The following PCDHA6 variants were observed in gnomAD, a reference collection of about 807,000 sequenced individuals.
PCDHA6 encodes protocadherin alpha 6.
In PCDHA6, 55 loss-of-function variants were observed where a neutral mutation model predicts 60.3. The ratio of observed to expected loss-of-function variants is 0.91; its 90% CI spans 0.73 to 1.14. The LOEUF (loss-of-function observed/expected upper bound fraction) is 1.14, where lower values mean the gene tolerates loss of function less well. PCDHA6 is among the 50% of genes most tolerant of loss of function. The pLI, the probability that PCDHA6 is intolerant of heterozygous loss-of-function variation, is 0.00. For missense variants in PCDHA6, 1,327 were observed against 1,256.5 expected, an observed-to-expected ratio of 1.06 and a Z score of -0.85; for synonymous variants, 652 against 557.9, an observed-to-expected ratio of 1.17 and a Z score of -2.38.
intron 1 of PCDHA6, among the ~76,000 whole-genome samples, chr5:140,946,403 CATAGAA>C (rs1425933072): frequency 1.3e-5 from 2 of 151,512 alleles, no homozygotes; most frequent in African/African-American, 2.4e-5. Flanking sequence ...TTAGTACAAT[CATAGAA>C]AACAATATGG....
At chr5:140,951,170 A>G (rs62384503) in intron 1 of PCDHA6, among the ~76,000 whole-genome samples, 5,911 of 151,952 alleles carry the variant, frequency 0.039, 176 homozygotes, top group Non-Finnish European at 0.057. Flanking sequence ...TAGCTACTTT[A>G]AAGTCATTGT....
In PCDHA6 at chr5:140,870,852, G is replaced by T. The variant is rs782301779; in HGVS notation, c.2394+40367G>T. 6 of 1,613,862 alleles carry T rather than the reference G, an allele frequency of 3.7e-6. 1 individual carries two copies. The South Asian group carries it at 6.6e-5, about 18-fold the overall frequency. On this transcript the variant is annotated intron_variant, in intron 1 of 3. Coordinates refer to ENST00000529310, the MANE Select transcript of PCDHA6 (RefSeq NM_018909.4). ...CAGTTAACAAGCTAGTACCGCGGTC[G>T]GTGGGTGCGGGCCACGTGGTGGCGA...
intron 1 of PCDHA6, chr5:140,836,148 C>A: frequency 6.2e-7 from 1 of 1,613,764 alleles, no homozygotes; most frequent in Non-Finnish European, 8.5e-7. Flanking sequence ...GGGCGCGGGC[C>A]ATGTGGTGGC....
intron 3 of PCDHA6, among the ~76,000 whole-genome samples, chr5:140,995,684 A>T (rs2097694657): frequency 6.6e-6 from 1 of 152,144 alleles, no homozygotes; most frequent in Non-Finnish European, 1.5e-5. Flanking sequence ...ATTTTTTTTA[A>T]TTGTTAAATA....
At chr5:140,960,764 A>C (rs1383623742) in intron 1 of PCDHA6, among the ~76,000 whole-genome samples, 7 of 152,164 alleles carry the variant, frequency 4.6e-5, no homozygotes, top group African/African-American at 1.7e-4. Flanking sequence ...CAAGAGTTAC[A>C]GAGGAGAAAT....
rs1554231011 is a variant in PCDHA6 at position 140,968,738 on chromosome 5, C to G, written c.2395-10211C>G. 10 of 1,614,040 alleles carry G rather than the reference C, an allele frequency of 6.2e-6. No individual in the cohort carries two copies. The Admixed American group carries it at 6.7e-5, about 11-fold the overall frequency. On this transcript the variant is annotated intron_variant, in intron 1 of 3. Transcript: ENST00000529310. ...AGATGAGAGTGGTAGCACTTTCAAC[C>G]TGACCGTGGTGGTCCGAGATAATGG...
intron 1 of PCDHA6, among the ~76,000 whole-genome samples, chr5:140,844,353 G>A (rs1249392344): frequency 6.7e-6 from 1 of 148,820 alleles, no homozygotes; most frequent in Admixed American, 6.7e-5. Context: ...AAATCAAGAG[G>A]GAAGAGATTT....
At chr5:140,975,283 A>G (rs1554236730) in intron 1 of PCDHA6, among the ~76,000 whole-genome samples, 1 of 152,122 alleles carries the variant, frequency 6.6e-6, no homozygotes, top group Non-Finnish European at 1.5e-5. Context: ...TGACCTCTAG[A>G]CCCAGATTTA....
chr5:140,928,570 C>G, intron 1 of PCDHA6: 1 of 1,614,196 alleles, frequency 6.2e-7, no homozygotes, highest in Non-Finnish European at 8.5e-7. Flanking sequence ...GTTTCCCTTG[C>G]CCAGAAATGG....
chr5:140,879,948 C>T (rs1025902128), intron 1 of PCDHA6, among the ~76,000 whole-genome samples: 1 of 152,168 alleles, frequency 6.6e-6, no homozygotes, highest in Non-Finnish European at 1.5e-5. Context: ...ATTTAGGGCC[C>T]ATCTGGATAA....
In PCDHA6 at chr5:140,828,069, AAAT is replaced by A. The variant is rs2150150559; in HGVS notation, c.-20_-18del. 3 of 1,564,606 alleles carry A rather than the reference AAAT, an allele frequency of 1.9e-6. No homozygotes were observed. The highest frequency in any genetic ancestry group is 2.6e-6 in the Non-Finnish European group (3 of 1,157,558). On this transcript the variant is annotated 5_prime_UTR_variant, in exon 1 of 4. Coordinates refer to ENST00000529310, the MANE Select transcript of PCDHA6 (RefSeq NM_018909.4). ...CTTTATGCGGAAGATCTTCTAATGG[AAAT>A]AAAACCAGAGGTATTTGACATGGTG...
intron 3 of PCDHA6, among the ~76,000 whole-genome samples, chr5:140,986,569 T>C (rs1006962446): frequency 7.2e-5 from 11 of 152,296 alleles, no homozygotes; most frequent in East Asian, 3.9e-4. Context: ...TTATCTGTTA[T>C]TGGTTTTTCC....
At chr5:140,977,816 T>C (rs2096776197) in intron 1 of PCDHA6, among the ~76,000 whole-genome samples, 1 of 152,190 alleles carries the variant, frequency 6.6e-6, no homozygotes, top group Non-Finnish European at 1.5e-5. Flanking sequence ...TTATTGACAG[T>C]TTTGAATGGT....
At chr5:140,916,367 CT>C (rs1359695566) in intron 1 of PCDHA6, among the ~76,000 whole-genome samples, 1 of 152,196 alleles carries the variant, frequency 6.6e-6, no homozygotes, top group Non-Finnish European at 1.5e-5. Flanking sequence ...GAGTCTTTCA[CT>C]GTAGCCACCA....
intron 1 of PCDHA6, among the ~76,000 whole-genome samples, chr5:140,833,934 C>T (rs2150212235): frequency 1.3e-5 from 2 of 152,148 alleles, no homozygotes; most frequent in Admixed American, 1.3e-4. Context: ...CATGTTGTCA[C>T]TTAGGTTTCT....
chr5:140,940,983 C>G lies in PCDHA6; in HGVS notation c.2395-37966C>G, dbSNP rs572659107. On this transcript the variant is annotated intron_variant, in intron 1 of 3. Coordinates refer to ENST00000529310, the MANE Select transcript of PCDHA6 (RefSeq NM_018909.4). ...ATGCAGGATATCTGGTATCTAGTTA[C>G]AAGTTTATAGGATTAAATTTTCCTT... 3.9e-5 allele frequency among the ~76,000 whole-genome samples: 6 copies of G among 152,294 alleles called. No homozygotes were observed. In the South Asian group the frequency reaches 1.0e-3, roughly 26 times the overall value.
In PCDHA6 at chr5:140,888,751, C is replaced by T. The variant is rs947840835; in HGVS notation, c.2394+58266C>T. On this transcript the variant is annotated intron_variant, in intron 1 of 3. Transcript: ENST00000529310. ...TTGTGAGCTCTAGGAATTATTCTAC[C>T]CACTTTTTTTTTTAATTTTGAAGGG... Among the ~76,000 whole-genome samples, 4 of 151,800 alleles carry T rather than the reference C, an allele frequency of 2.6e-5. No individual in the cohort carries two copies. The South Asian group carries it at 8.3e-4, about 32-fold the overall frequency.
In PCDHA6 at chr5:140,849,498, A is replaced by T. The variant is rs1347480492; in HGVS notation, c.2394+19013A>T. On this transcript the variant is annotated intron_variant, in intron 1 of 3. Transcript: ENST00000529310. Reference sequence around the variant, plus strand: ...CTTCCCACCCCTGGCTGGTCATTGTACACTTCTTGTGGAAGTTGTGGATGT... The same window carrying T: ...CTTCCCACCCCTGGCTGGTCATTGTTCACTTCTTGTGGAAGTTGTGGATGT... 6.9e-6 allele frequency: 11 copies of T among 1,593,514 alleles called. 1 individual carries two copies. The highest frequency in any genetic ancestry group is 9.4e-6 in the Non-Finnish European group (11 of 1,165,148).
At chr5:140,911,439 A>C (rs2075473101) in intron 1 of PCDHA6, among the ~76,000 whole-genome samples, 2 of 152,080 alleles carry the variant, frequency 1.3e-5, no homozygotes, top group Admixed American at 1.3e-4. Context: ...AATTTCCCGC[A>C]ATTTCAGCTC....
Sources: gnomAD v4.1 joint callset for allele counts (sites outside exome capture counted in the v4.1 genomes callset) on GRCh38, gnomAD v4.1.1 for gene constraint, MANE v1.5 for transcripts, NCBI Gene and HGNC (gene_info 2026-07-23, HGNC 2026-07-21) for gene names.